Variants in SAMD12 observed in about 807,000 individuals in gnomAD.
SAMD12 encodes sterile alpha motif domain containing 12.
In SAMD12, 9 loss-of-function variants were observed where a neutral mutation model predicts 15.0. That is an observed-to-expected ratio of 0.60 (90% confidence interval 0.36 to 1.05). The LOEUF is 1.05. Ranked by LOEUF, SAMD12 falls within the 50% of genes least tolerant of loss-of-function variation. The pLI is 0.01. For missense variants in SAMD12, 230 were observed against 234.2 expected, an observed-to-expected ratio of 0.98 and a Z score of 0.12; for synonymous variants, 86 against 90.1, an observed-to-expected ratio of 0.96 and a Z score of 0.25.
At chr8:118,432,851 CCTAGCACCACCACCA>C (rs1392809965) in intron 3 of SAMD12, among the ~76,000 whole-genome samples, 1 of 152,046 alleles carries the variant, frequency 6.6e-6, no homozygotes, top group Non-Finnish European at 1.5e-5. Flanking sequence ...CACCACCACC[CCTAGCACCACCACCA>C]CTGACAACAA....
rs1183281390 is a variant in SAMD12, at chr8:118,580,977, T to C, written c.14-84A>G. The C allele has an allele frequency of 8.1e-6, 9 of 1,107,070 alleles. No individual in the cohort carries two copies. The Admixed American group carries it at 1.5e-4, about 19-fold the overall frequency. 68.6% of individuals were successfully genotyped at this position (1,107,070 alleles called of 1,614,324 possible). ...ACAGAAAATATTCATCAAGCCTAAG[T>C]AGGAAAAAAACGAGGCATCTATGAG... On this transcript the variant is annotated intron_variant, in intron 1 of 3. Transcript: ENST00000314727.
intron 4 of SAMD12, among the ~76,000 whole-genome samples, chr8:118,213,003 T>C (rs1487703640): frequency 6.6e-6 from 1 of 152,168 alleles, no homozygotes; most frequent in Non-Finnish European, 1.5e-5. Flanking sequence ...TAATAAAGAA[T>C]GAGAATACGA....
intron 2 of SAMD12, among the ~76,000 whole-genome samples, chr8:118,445,494 C>T (rs1822887086): frequency 6.6e-6 from 1 of 152,078 alleles, no homozygotes; most frequent in Admixed American, 6.5e-5. Flanking sequence ...TTCATGCCTC[C>T]TAAGGGGAAG....
intron 2 of SAMD12, among the ~76,000 whole-genome samples, chr8:118,446,246 T>A (rs2130904077): frequency 6.6e-6 from 1 of 152,060 alleles, no homozygotes; most frequent in East Asian, 1.9e-4. Context: ...ACTAGAGGAT[T>A]TTTTTCTCTT....
intron 4 of SAMD12, among the ~76,000 whole-genome samples, chr8:118,208,147 C>T (rs1384225372): frequency 6.6e-6 from 1 of 152,032 alleles, no homozygotes; most frequent in Non-Finnish European, 1.5e-5. Context: ...ATCCCAGCTA[C>T]TCGGGAGGCT....
intron 2 of SAMD12, among the ~76,000 whole-genome samples, chr8:118,475,148 A>C (rs934675508): frequency 6.6e-6 from 1 of 152,206 alleles, no homozygotes; most frequent in African/African-American, 2.4e-5. Flanking sequence ...CTGAGGCAGG[A>C]GAATCACGTG....
chr8:118,432,090 C>G (rs1822434619), intron 3 of SAMD12, among the ~76,000 whole-genome samples: 1 of 152,060 alleles, frequency 6.6e-6, no homozygotes, highest in South Asian at 2.1e-4. Context: ...CTAGTATTTT[C>G]TTTTGATTGT....
chr8:118,540,824 G>T (rs547907455), intron 2 of SAMD12, among the ~76,000 whole-genome samples: 3 of 152,188 alleles, frequency 2.0e-5, no homozygotes, highest in Non-Finnish European at 2.9e-5. Context: ...GTACACTGCT[G>T]TGAAATGTCA....
At chr8:118,557,024 A>G (rs1826553988) in intron 2 of SAMD12, among the ~76,000 whole-genome samples, 1 of 152,154 alleles carries the variant, frequency 6.6e-6, no homozygotes, top group Non-Finnish European at 1.5e-5. Flanking sequence ...TACTCATGAC[A>G]TAAGGGCCAT....
At chr8:118,407,780 A>G (rs904906036) in intron 3 of SAMD12, among the ~76,000 whole-genome samples, 2 of 152,054 alleles carry the variant, frequency 1.3e-5, no homozygotes, top group African/African-American at 2.4e-5. Context: ...CCTTCCTCCA[A>G]TTGCACCTTT....
intron 2 of SAMD12, among the ~76,000 whole-genome samples, chr8:118,520,922 T>C (rs1462490057): frequency 2.0e-5 from 3 of 152,180 alleles, no homozygotes; most frequent in Non-Finnish European, 4.4e-5. Context: ...AGGACAAGGG[T>C]AAACCTATTA....
chr8:118,545,069 A>T (rs1826085539), intron 2 of SAMD12, among the ~76,000 whole-genome samples: 1 of 152,206 alleles, frequency 6.6e-6, no homozygotes, highest in South Asian at 2.1e-4. Context: ...CCTCAGTCAA[A>T]TAACTACAAG....
chr8:118,423,194 T>G, intron 3 of SAMD12, among the ~76,000 whole-genome samples: 1 of 152,156 alleles, frequency 6.6e-6, no homozygotes. Context: ...AGGAAAAATC[T>G]GATTTCCTTA....
rs571710660 is a variant in SAMD12, at chr8:118,547,431, AG to A, written c.192+33283del. Among the ~76,000 whole-genome samples the A allele has an allele frequency of 6.6e-5, 10 of 152,280 alleles. No individual in the cohort carries two copies. In the South Asian group the frequency reaches 1.7e-3, roughly 25 times the overall value. ...AACATACTTCTCTTACTGTAGATAA[AG>A]TATTGGGTTGTAATTAATCATTTAC... On this transcript the variant is annotated intron_variant, in intron 2 of 3. Transcript: ENST00000314727.
chr8:118,385,469 A>G (rs56094074), intron 3 of SAMD12, among the ~76,000 whole-genome samples: 27,346 of 152,192 alleles, frequency 0.18, 2,732 homozygotes, highest in South Asian at 0.25. Flanking sequence ...TTCAACTCCA[A>G]CTGGGACACT....
intron 2 of SAMD12, among the ~76,000 whole-genome samples, chr8:118,535,434 C>T (rs904369868): frequency 1.3e-5 from 2 of 152,276 alleles, no homozygotes; most frequent in Non-Finnish European, 1.5e-5. Flanking sequence ...GTTCTCAGAT[C>T]TCAAACTCCA....
At chr8:118,281,294 G>C (rs760818013) in intron 4 of SAMD12, among the ~76,000 whole-genome samples, 1 of 152,142 alleles carries the variant, frequency 6.6e-6, no homozygotes, top group Admixed American at 6.5e-5. Context: ...AGAACCCAGC[G>C]CTCTTTGAAA....
intron 4 of SAMD12, among the ~76,000 whole-genome samples, chr8:118,209,022 T>C (rs1195429749): frequency 1.3e-5 from 2 of 152,228 alleles, no homozygotes; most frequent in Non-Finnish European, 2.9e-5. Flanking sequence ...ATGATTATCT[T>C]GTTTACATAA....
At chr8:118,156,594 ATG>A in the SAMD12 span, among the ~76,000 whole-genome samples, 1 of 152,162 alleles carries the variant, frequency 6.6e-6, no homozygotes, top group Non-Finnish European at 1.5e-5. Flanking sequence ...CAATTCTTAT[ATG>A]TCCCAGGATA....
Sources: allele counts gnomAD v4.1 joint callset (sites outside exome capture counted in the v4.1 genomes callset), GRCh38; gene constraint gnomAD v4.1.1; transcripts MANE v1.5; gene names NCBI Gene and HGNC (gene_info 2026-07-23, HGNC 2026-07-21).